PCF11: variants seen among roughly 807,000 people sequenced by gnomAD.
PCF11 encodes the protein pre-mRNA cleavage complex 2 protein Pcf11.
In PCF11, 19 loss-of-function variants were observed where a neutral mutation model predicts 166.1. That is an observed-to-expected ratio of 0.11 (90% CI 0.08 to 0.17). The LOEUF (loss-of-function observed/expected upper bound fraction) is 0.17. Among genes scored for constraint, PCF11 ranks in the 10% least tolerant of loss-of-function variants. PCF11 has a pLI of 1.00. For missense variants in PCF11, 1,565 were observed against 1,855.5 expected (o/e 0.84, Z 2.88); for synonymous variants, 663 against 644.1 (o/e 1.03, Z -0.44).
chr11:83,176,961 T>A (rs537962353), intron 9 of PCF11, 124 bp from the exon 10 acceptor site: 1 of 550,022 alleles, frequency 1.8e-6, no homozygotes. Flanking sequence ...TTAGATTTTG[T>A]CAAATTTACT....
exon 8 of PCF11, chr11:83,169,352 T>G (rs1231916236): frequency 3.1e-6 from 5 of 1,613,684 alleles, no homozygotes; most frequent in Non-Finnish European, 4.2e-6. Flanking sequence ...GGAGGTGGAA[T>G]GAGGTTTGAG....
intron 9 of PCF11, among the ~76,000 whole-genome samples, chr11:83,176,034 T>TA (rs1860866408): frequency 6.6e-6 from 1 of 152,170 alleles, no homozygotes. Flanking sequence ...GTTTTCCTGT[T>TA]ACGTCAGGGA....
chr11:83,173,079 G>A (rs966542340), intron 9 of PCF11, among the ~76,000 whole-genome samples: 6 of 152,218 alleles, frequency 3.9e-5, no homozygotes, highest in African/African-American at 1.4e-4. Flanking sequence ...CAGAAGACCA[G>A]GGTTGGAATC....
exon 16 of PCF11, chr11:83,184,841 A>T: frequency 6.3e-7 from 1 of 1,585,742 alleles, no homozygotes; most frequent in Non-Finnish European, 8.5e-7. Context: ...AGAGGAAAGC[A>T]TAGCAACACC....
chr11:83,166,404 C>T, exon 5 of PCF11: 1 of 1,613,854 alleles, frequency 6.2e-7, no homozygotes. Context: ...TAGGCGGTCA[C>T]CCAAACGAAG....
chr11:83,185,484 A>G (rs1242154830), exon 16 of PCF11: 1 of 152,434 alleles, frequency 6.6e-6, no homozygotes, highest in Non-Finnish European at 1.5e-5. Flanking sequence ...ATCTCCAGGT[A>G]TAGAGAACCA....
At chr11:83,165,715 C>T in exon 5 of PCF11, 1 of 1,613,800 alleles carries the variant, frequency 6.2e-7, no homozygotes, top group Non-Finnish European at 8.5e-7. Flanking sequence ...CATCAGGTTC[C>T]TGTGCAATCT....
In PCF11 at chr11:83,165,694, T is replaced by C. The variant is rs77364226; in HGVS notation, c.797T>C (p.Val266Ala). The C allele has an allele frequency of 3.1e-6, 5 of 1,613,772 alleles. No homozygotes were observed. In the Admixed American group the frequency reaches 8.3e-5, roughly 27 times the overall value. The stretch of plus-strand genomic sequence containing the variant: ...GTTTCACAGATTCCCCCTATGGCAG[T>C]TAAAGCTCCTCATCAGGTTCCTGTG... Residue 266 changes from valine (V) to alanine (A), a missense_variant, in exon 5 of 16, where the codon GTT becomes GCT. Transcript: ENST00000298281.
At chr11:83,168,929 T>G in exon 8 of PCF11, 1 of 1,613,476 alleles carries the variant, frequency 6.2e-7, no homozygotes, top group Non-Finnish European at 8.5e-7. Context: ...GGTTTGAGAT[T>G]TGAGGGACCA....
exon 1 of PCF11, chr11:83,157,405 A>G: frequency 1.3e-6 from 2 of 1,591,760 alleles, no homozygotes; most frequent in Non-Finnish European, 1.7e-6. Flanking sequence ...CTTCAGCTTC[A>G]GCTGCAGCGG....
chr11:83,164,769 C>G (rs980639256), intron 4 of PCF11, among the ~76,000 whole-genome samples: 1 of 151,742 alleles, frequency 6.6e-6, no homozygotes, highest in Non-Finnish European at 1.5e-5. Flanking sequence ...CCCAGCTACT[C>G]GAGAGGCTGA....
intron 13 of PCF11, 54 bp downstream of exon 13, chr11:83,182,063 T>A: frequency 6.3e-6 from 9 of 1,435,498 alleles, no homozygotes; most frequent in Non-Finnish European, 8.5e-6. Flanking sequence ...TCACTTCCTT[T>A]ATGTAAATAC....
rs368877028 is a variant in PCF11, at chr11:83,168,633, G to A, written c.2298G>A (p.Thr766=). The A allele has an allele frequency of 8.9e-4, 1,442 of 1,613,948 alleles. 23 individuals carry two copies. In the South Asian group the frequency reaches 0.013, roughly 14 times the overall value. Residue 766 remains threonine (T), a synonymous_variant, in exon 8 of 16, where the codon ACG becomes ACA. Transcript: ENST00000298281. Reference sequence around the variant, plus strand: ...CATCAGTAGCAAGAGATGGCCCAACGAAGATGATTTTTGAAGGACCCAATA... The same window carrying A: ...CATCAGTAGCAAGAGATGGCCCAACAAAGATGATTTTTGAAGGACCCAATA...
intron 9 of PCF11, among the ~76,000 whole-genome samples, chr11:83,173,365 G>GA (rs1385214950): frequency 6.6e-6 from 1 of 152,052 alleles, no homozygotes; most frequent in Non-Finnish European, 1.5e-5. Flanking sequence ...TGAGGCAGGA[G>GA]AATCGCTTGA....
At chr11:83,162,797 G>A (rs561076553) in intron 2 of PCF11, among the ~76,000 whole-genome samples, 2 of 152,062 alleles carry the variant, frequency 1.3e-5, no homozygotes, top group African/African-American at 2.4e-5. Flanking sequence ...GTTTTGAGAT[G>A]GAGTTTTGCT....
At chr11:83,168,394 C>T in intron 7 of PCF11, 34 bp from the exon 8 acceptor site, 2 of 1,515,130 alleles carry the variant, frequency 1.3e-6, no homozygotes, top group Non-Finnish European at 1.8e-6. Flanking sequence ...TTTAAGATAA[C>T]TTTAGTGAAA....
chr11:83,168,838 G>C (rs1860569445), exon 8 of PCF11: 1 of 1,613,714 alleles, frequency 6.2e-7, no homozygotes, highest in Admixed American at 1.7e-5. Context: ...TCTGCGGTTT[G>C]AGGGCCCAAT....
At chr11:83,184,324 A>G (rs995172611) in intron 15 of PCF11, 4 of 186,754 alleles carry the variant, frequency 2.1e-5, no homozygotes, top group African/African-American at 1.0e-4. Context: ...GATTTAAAAA[A>G]TCCTCAGACT....
chr11:83,161,473 A>G, intron 2 of PCF11, 21 bp downstream of exon 2: 2 of 1,518,636 alleles, frequency 1.3e-6, no homozygotes, highest in South Asian at 1.3e-5. Flanking sequence ...ATTTAGAAAC[A>G]TTTGCGTTTT....
Sources: allele counts gnomAD v4.1 joint callset (sites outside exome capture counted in the v4.1 genomes callset), GRCh38; gene constraint gnomAD v4.1.1; transcripts MANE v1.5; gene names NCBI Gene and HGNC (gene_info 2026-07-23, HGNC 2026-07-21).